Variants in TIGD5 observed in about 807,000 individuals in gnomAD.
TIGD5 encodes tigger transposable element derived 5.
Under a neutral mutation model 28.8 loss-of-function variants are expected in TIGD5, and 24 were observed. That is an observed-to-expected ratio of 0.83 (90% CI 0.60 to 1.17). TIGD5 has a LOEUF of 1.17. TIGD5 is among the 50% of genes most tolerant of loss of function. TIGD5 has a pLI of 0.00. For missense variants in TIGD5, 922 were observed against 911.4 expected, an observed-to-expected ratio of 1.01 and a Z score of -0.15; for synonymous variants, 538 against 430.5, an observed-to-expected ratio of 1.25 and a Z score of -3.09.
rs1244616681 is a variant in TIGD5, at chr8:143,600,591, TC to T, written c.*763del. 1 of 152,206 alleles carries T rather than the reference TC, an allele frequency of 6.6e-6. No homozygotes were observed. The highest frequency in any genetic ancestry group is 2.4e-5 in the African/African-American group (1 of 41,434). 9.4% of individuals were successfully genotyped at this position (152,206 alleles called of 1,614,324 possible). Reference sequence around the variant, plus strand: ...TGACTTGGCCAACGGCAGGAGAGTTTCCCCTGCTTCCTCATCAGCCACAGAC... The same window carrying T: ...TGACTTGGCCAACGGCAGGAGAGTTTCCCTGCTTCCTCATCAGCCACAGAC... On this transcript the variant is annotated 3_prime_UTR_variant, in exon 1 of 1. Transcript: ENST00000504548.
chr8:143,599,502 G>A lies in TIGD5; in HGVS notation c.1599G>A (p.Leu533=). Residue 533 remains leucine, a synonymous_variant, in exon 1 of 1, where the codon CTG becomes CTA. Transcript: ENST00000504548. The part of the protein sequence containing the change: ...CLAPEEVAEW[L]HLDDDGGPPE... The stretch of plus-strand genomic sequence containing the variant: ...CTCCGGAGGAGGTTGCGGAGTGGCT[G>A]CACCTGGACGATGATGGGGGTCCGC... The A allele has an allele frequency of 6.3e-7, 1 of 1,591,108 alleles. No individual in the cohort carries two copies. The highest frequency in any genetic ancestry group is 1.1e-5 in the South Asian group (1 of 88,074).
In TIGD5 at chr8:143,599,095, G is replaced by C; in HGVS notation, c.1192G>C (p.Ala398Pro). The change falls in exon 1 of 1, where the codon GCT becomes CCT. Residue 398 changes from alanine (A) to proline (P), a missense_variant. Physicochemically the swap from Ala to Pro is conservative, Grantham distance 27 (BLOSUM62 -1). This residue lies in a region of TIGD5 where 821 missense variants were observed against 815.2 expected (regional missense o/e 1.01). Coordinates refer to ENST00000504548, the MANE Select transcript of TIGD5 (RefSeq NM_032862.5). ...GGAGGAGCTGCAGACACCGGATGGC[G>C]CTGTGCGGGTGCTGTTCCTGTCCAA... ...PPEELQTPDG[A>P]VRVLFLSKGS... The C allele has an allele frequency of 6.3e-7, 1 of 1,579,224 alleles. No homozygotes were observed. Among genetic ancestry groups the C allele is most frequent in the Middle Eastern group, 1.7e-4 (1 of 5,912 alleles).
In TIGD5 at chr8:143,599,721, C is replaced by G; in HGVS notation, c.1818C>G (p.Asp606Glu). The G allele has an allele frequency of 2.7e-6, 4 of 1,506,824 alleles. No individual in the cohort carries two copies. The highest frequency in any genetic ancestry group is 3.5e-6 in the Non-Finnish European group (4 of 1,134,972). 93.3% of individuals were successfully genotyped at this position (1,506,824 alleles called of 1,614,324 possible). Residue 606 changes from aspartate (D) to glutamate (E), a missense_variant, in exon 1 of 1, where the codon GAC becomes GAG. Around this residue, in one of 3 missense-constraint regions of TIGD5, gnomAD observed 821 missense variants for 815.2 expected, o/e 1.01. Transcript: ENST00000504548. ...CTCTGCGGTGGCTGGAGAACCAGGA[C>G]CCCAGAGAGGTGGGGCCACTGAGGC... ...ETALRWLENQ[D>E]PREVGPLRLV...
At position 143,602,900 on chromosome 8, in the gene TIGD5, ACTGCCTTGGCCCAAG is replaced by A. The variant is rs2131393178; in HGVS notation, c.*3069_*3083del. 1 of 152,424 alleles carries A rather than the reference ACTGCCTTGGCCCAAG, an allele frequency of 6.6e-6. No individual in the cohort carries two copies. The highest frequency in any genetic ancestry group is 1.5e-5 in the Non-Finnish European group (1 of 68,070). 9.4% of individuals were successfully genotyped at this position (152,424 alleles called of 1,614,324 possible). ...CCCGCGTTTTCAGGGGGACGAGGCC[ACTGCCTTGGCCCAAG>A]GACCTGCAGGCTTGGGGGACCCCCT... On this transcript the variant is annotated 3_prime_UTR_variant, in exon 1 of 1. Transcript: ENST00000504548.
rs938319622 is a variant in TIGD5 at position 143,602,959 on chromosome 8, G to C, written c.*3127G>C. ...ACCCCCTCGATGTCCACTGGGCTGC[G>C]GATGAAACATCACACTGTGGTAGGA... On this transcript the variant is annotated 3_prime_UTR_variant, in exon 1 of 1. Coordinates refer to ENST00000504548, the MANE Select transcript of TIGD5 (RefSeq NM_032862.5). 1.3e-5 allele frequency: 2 copies of C among 152,280 alleles called. No individual in the cohort carries two copies. Among genetic ancestry groups the C allele is most frequent in the African/African-American group, 2.4e-5 (1 of 41,460 alleles). 9.4% of individuals were successfully genotyped at this position (152,280 alleles called of 1,614,324 possible).
In TIGD5 at chr8:143,599,885, C is replaced by T; in HGVS notation, c.*53C>T. 6 of 1,431,090 alleles carry T rather than the reference C, an allele frequency of 4.2e-6. No homozygotes were observed. The highest frequency in any genetic ancestry group is 5.5e-6 in the Non-Finnish European group (6 of 1,100,046). 88.6% of individuals were successfully genotyped at this position (1,431,090 alleles called of 1,614,324 possible). A position where few individuals can be genotyped will look rare whatever the true frequency, so the allele number is the denominator to read the frequency against. On this transcript the variant is annotated 3_prime_UTR_variant, in exon 1 of 1. Coordinates refer to ENST00000504548, the MANE Select transcript of TIGD5 (RefSeq NM_032862.5). ...GCTGCACTTGGAGGGAGGGGACATA[C>T]ACACAGTCTCCCATCTCTCCTCCCC...
chr8:143,598,542 C>T lies in TIGD5; in HGVS notation c.639C>T (p.Ala213=), dbSNP rs886195993. ...AGGAGCCCGCGCTGCCCTCCGGCGC[C>T]GGCCCCCTGCCCGACCGCGCCCCGG... The part of the protein sequence containing the change: ...VKEEPALPSG[A]GPLPDRAPAP... Residue 213 remains alanine (A), a synonymous_variant, in exon 1 of 1, where the codon GCC becomes GCT. Transcript: ENST00000504548. This position sits in a 1 kb window ranked among gnomAD's most constrained non-coding sequence, Gnocchi z 6.6. 1.5e-6 allele frequency: 2 copies of T among 1,306,042 alleles called. No homozygotes were observed. The highest frequency in any genetic ancestry group is 1.6e-5 in the African/African-American group (1 of 64,108). The allele number at this position is 1,306,042 out of a possible 1,614,324, so 80.9% of individuals were successfully genotyped here.
In TIGD5 at chr8:143,597,985, GC is replaced by G. The variant is rs1469606424; in HGVS notation, c.87del (p.Val30SerfsTer19). On this transcript the variant is annotated frameshift_variant, in exon 1 of 1. Transcript: ENST00000504548. LOFTEE classifies it high-confidence loss of function. ...PLPGPPAPAP[A>X]PVPAARPPPP... ...GCCCGGGCCCCCCGCGCCCGCCCCA[GC>G]CCCCGTCCCCGCTGCACGGCCGCCG... 1 of 1,040,404 alleles carries G rather than the reference GC, an allele frequency of 9.6e-7. No individual in the cohort carries two copies. Among genetic ancestry groups the G allele is most frequent in the Non-Finnish European group, 1.2e-6 (1 of 843,906 alleles). 64.4% of individuals were successfully genotyped at this position (1,040,404 alleles called of 1,614,324 possible).
rs760886250 is a variant in TIGD5 at position 143,598,670 on chromosome 8, C to T, written c.767C>T (p.Pro256Leu). 17 of 1,499,834 alleles carry T rather than the reference C, an allele frequency of 1.1e-5. No individual in the cohort carries two copies. Among genetic ancestry groups the T allele is most frequent in the African/African-American group, 1.5e-5 (1 of 68,348 alleles). The allele number at this position is 1,499,834 out of a possible 1,614,324, so 92.9% of individuals were successfully genotyped here. A position where few individuals can be genotyped will look rare whatever the true frequency, so the allele number is the denominator to read the frequency against. The change falls in exon 1 of 1, where the codon CCG becomes CTG. Residue 256 changes from proline (P) to leucine (L), a missense_variant. Physicochemically the swap from Pro to Leu is moderately conservative, Grantham distance 98. This residue lies in a region of TIGD5 where 821 missense variants were observed against 815.2 expected (regional missense o/e 1.01). Coordinates refer to ENST00000504548, the MANE Select transcript of TIGD5 (RefSeq NM_032862.5). This position sits in a 1 kb window ranked among gnomAD's most constrained non-coding sequence, Gnocchi z 6.6. The part of the protein sequence containing the change: ...WKLLPEQAAP[P>L]GAGDPGAGGC... ...CTGCTTCCGGAGCAGGCTGCGCCCC[C>T]GGGCGCAGGGGACCCCGGGGCGGGG...
At position 143,598,307 on chromosome 8, in the gene TIGD5, T is replaced by A. The variant is rs1347574661; in HGVS notation, c.404T>A (p.Leu135Gln). The A allele has an allele frequency of 1.2e-6, 2 of 1,608,982 alleles. No individual in the cohort carries two copies. Among genetic ancestry groups the A allele is most frequent in the Non-Finnish European group, 1.7e-6 (2 of 1,178,514 alleles). The part of the protein sequence containing the change: ...DRAVYAWFLA[L>Q]RQHGVPLSGP... ...GCCGTGTACGCCTGGTTCCTGGCGC[T>A]GCGCCAGCACGGGGTGCCGCTGTCT... Residue 135 changes from leucine (L) to glutamine (Q), a missense_variant, in exon 1 of 1, where the codon CTG becomes CAG. Around this residue, in one of 3 missense-constraint regions of TIGD5, gnomAD observed 821 missense variants for 815.2 expected, o/e 1.01. Coordinates refer to ENST00000504548, the MANE Select transcript of TIGD5 (RefSeq NM_032862.5). The surrounding 1 kb of genome is among the most constrained non-coding windows in gnomAD (Gnocchi z 6.6).
In TIGD5 at chr8:143,599,960, A is replaced by AGCCATGCTGGATTTGG; in HGVS notation, c.*128_*129insGCCATGCTGGATTTGG. On this transcript the variant is annotated 3_prime_UTR_variant, in exon 1 of 1. Transcript: ENST00000504548. ...GGGTACAGGGGGTTCCAGGAATCCA[A>AGCCATGCTGGATTTGG]ATCCAGCATGGCTTGGAGGAGCTCT... The AGCCATGCTGGATTTGG allele has an allele frequency of 9.1e-7, 1 of 1,093,868 alleles. No individual in the cohort carries two copies. Among genetic ancestry groups the AGCCATGCTGGATTTGG allele is most frequent in the Non-Finnish European group, 1.2e-6 (1 of 836,658 alleles). The allele number at this position is 1,093,868 out of a possible 1,614,324, so 67.8% of individuals were successfully genotyped here. A position where few individuals can be genotyped will look rare whatever the true frequency, so the allele number is the denominator to read the frequency against.
chr8:143,599,061 C>T lies in TIGD5; in HGVS notation c.1158C>T (p.Leu386=), dbSNP rs1429336663. The T allele has an allele frequency of 5.1e-6, 8 of 1,571,216 alleles. No homozygotes were observed. The East Asian group carries it at 7.0e-5, about 14-fold the overall frequency. The change falls in exon 1 of 1, where the codon CTC becomes CTT. Residue 386 remains leucine, a synonymous_variant. Transcript: ENST00000504548. The part of the protein sequence containing the change: ...DAPVRCRPEP[L]GPPEELQTPD... ...CCGTGCGGTGCAGGCCGGAGCCCCT[C>T]GGTCCCCCGGAGGAGCTGCAGACAC...
rs760983053 is a variant in TIGD5 at position 143,599,681 on chromosome 8, G to A, written c.1778G>A (p.Arg593Gln). 4 of 1,518,232 alleles carry A rather than the reference G, an allele frequency of 2.6e-6. No homozygotes were observed. Among genetic ancestry groups the A allele is most frequent in the East Asian group, 4.6e-5 (2 of 43,856 alleles). 94.0% of individuals were successfully genotyped at this position (1,518,232 alleles called of 1,614,324 possible). Reference sequence around the variant, plus strand: ...GTGCCGACTGCCGGGGAGGCCGTGCGGGGGCTAGAAACAGCTCTGCGGTGG... The same window carrying A: ...GTGCCGACTGCCGGGGAGGCCGTGCAGGGGCTAGAAACAGCTCTGCGGTGG... ...TSVPTAGEAV[R>Q]GLETALRWLE... Residue 593 changes from arginine (R) to glutamine (Q), a missense_variant, in exon 1 of 1, where the codon CGG (arginine) becomes CAG (glutamine). By Grantham distance (43) the Arg-to-Gln change is conservative. This residue lies in a region of TIGD5 where 821 missense variants were observed against 815.2 expected (regional missense o/e 1.01). Coordinates refer to ENST00000504548, the MANE Select transcript of TIGD5 (RefSeq NM_032862.5).
In TIGD5 at chr8:143,599,439, C is replaced by G. The variant is rs1319617325; in HGVS notation, c.1536C>G (p.Asp512Glu). ...CCGAGCACAGCAGGGTGCTCAGCGA[C>G]CTCACCCACCTGGCGGCTCTGGCCT... ...EAAEHSRVLS[D>E]LTHLAALAYK... Residue 512 changes from aspartate to glutamate, a missense_variant, in exon 1 of 1, where the codon GAC becomes GAG. By Grantham distance (45) the Asp-to-Glu change is conservative. Around this residue, in one of 3 missense-constraint regions of TIGD5, gnomAD observed 821 missense variants for 815.2 expected, o/e 1.01. Transcript: ENST00000504548. The G allele has an allele frequency of 1.9e-6, 3 of 1,576,874 alleles. No individual in the cohort carries two copies. The South Asian group carries it at 3.5e-5, about 18-fold the overall frequency.
At position 143,600,145 on chromosome 8, in the gene TIGD5, T is replaced by G; in HGVS notation, c.*313T>G. 1 of 333,848 alleles carries G rather than the reference T, an allele frequency of 3.0e-6. No homozygotes were observed. Among genetic ancestry groups the G allele is most frequent in the Non-Finnish European group, 5.4e-6 (1 of 183,896 alleles). The allele number at this position is 333,848 out of a possible 1,614,324, so 20.7% of individuals were successfully genotyped here. A position where few individuals can be genotyped will look rare whatever the true frequency, so the allele number is the denominator to read the frequency against. On this transcript the variant is annotated 3_prime_UTR_variant, in exon 1 of 1. Transcript: ENST00000504548. The stretch of plus-strand genomic sequence containing the variant: ...GTTCCTGCTCTGGCCCCCGTGGGGC[T>G]GGGCCTCCGCCCCTGCACCAGTCAC...
Position 143,599,515 on chromosome 8 carries a change from G to A in TIGD5, c.1612G>A (p.Asp538Asn). 2 of 1,589,396 alleles carry A rather than the reference G, an allele frequency of 1.3e-6. No individual in the cohort carries two copies. Among genetic ancestry groups the A allele is most frequent in the Non-Finnish European group, 1.7e-6 (2 of 1,169,120 alleles). ...TGCGGAGTGGCTGCACCTGGACGAT[G>A]ATGGGGGTCCGCCCGAGGGCTGCAG... ...EVAEWLHLDDDGGPPEGCREE... is the reference protein window; with the variant it reads ...EVAEWLHLDDNGGPPEGCREE... The change falls in exon 1 of 1, where the codon GAT becomes AAT. Residue 538 changes from aspartate (D) to asparagine (N), a missense_variant. Transcript: ENST00000504548.
chr8:143,602,375 G>A lies in TIGD5; in HGVS notation c.*2543G>A, dbSNP rs935191553. The stretch of plus-strand genomic sequence containing the variant: ...ACCCTGGGCTGGAACCTGGGGCCCC[G>A]TCCCAGCCCTACCTGCAGCTCACTA... On this transcript the variant is annotated 3_prime_UTR_variant, in exon 1 of 1. Transcript: ENST00000504548. 12 of 152,272 alleles carry A rather than the reference G, an allele frequency of 7.9e-5. No homozygotes were observed. Among genetic ancestry groups the A allele is most frequent in the South Asian group, 4.1e-4 (2 of 4,834 alleles). The allele number at this position is 152,272 out of a possible 1,614,324, so 9.4% of individuals were successfully genotyped here.
rs759784800 is a variant in TIGD5, at chr8:143,598,816, C to T, written c.913C>T (p.His305Tyr). The T allele has an allele frequency of 5.0e-6, 8 of 1,600,850 alleles. No individual in the cohort carries two copies. The highest frequency in any genetic ancestry group is 6.8e-6 in the Non-Finnish European group (8 of 1,179,536). Residue 305 changes from histidine to tyrosine, a missense_variant, in exon 1 of 1, where the codon CAC becomes TAC. This residue lies in a region of TIGD5 where 821 missense variants were observed against 815.2 expected (regional missense o/e 1.01). Coordinates refer to ENST00000504548, the MANE Select transcript of TIGD5 (RefSeq NM_032862.5). The surrounding 1 kb of genome is among the most constrained non-coding windows in gnomAD (Gnocchi z 6.6). ...GRLPDPPSLR[H>Y]HNQDKFPASY... ...GCTGCCGGACCCGCCCAGCCTGCGC[C>T]ACCACAACCAGGACAAGTTCCCGGC...
Position 143,598,674 on chromosome 8 carries a change from C to A in TIGD5, c.771C>A (p.Gly257=). ...TTCCGGAGCAGGCTGCGCCCCCGGG[C>A]GCAGGGGACCCCGGGGCGGGGGGCT... ...KLLPEQAAPP[G]AGDPGAGGCG... Residue 257 remains glycine, a synonymous_variant, in exon 1 of 1, where the codon GGC becomes GGA. Transcript: ENST00000504548. This position sits in a 1 kb window ranked among gnomAD's most constrained non-coding sequence, Gnocchi z 6.6. The A allele has an allele frequency of 6.7e-7, 1 of 1,500,626 alleles. No homozygotes were observed. The highest frequency in any genetic ancestry group is 8.8e-7 in the Non-Finnish European group (1 of 1,135,932). The allele number at this position is 1,500,626 out of a possible 1,614,324, so 93.0% of individuals were successfully genotyped here.
Sources: gnomAD v4.1 joint callset for allele counts on GRCh38, gnomAD v4.1.1 for gene constraint, gnomAD v4.1.1 regional missense constraint, Gnocchi (gnomAD v3.1) non-coding constraint, MANE v1.5 for transcripts, NCBI Gene and HGNC (gene_info 2026-07-23, HGNC 2026-07-21) for gene names.